The following DPP10 variants were observed in gnomAD, a reference collection of about 807,000 sequenced individuals.
DPP10 encodes the protein dipeptidyl peptidase like 10, also known as inactive dipeptidyl peptidase 10.
DPP10 carries 33 observed loss-of-function variants against 120.9 expected under a neutral mutation model. The ratio of observed to expected loss-of-function variants is 0.27; its 90% confidence interval spans 0.21 to 0.37. The LOEUF (loss-of-function observed/expected upper bound fraction) is 0.37, where lower values mean the gene tolerates loss of function less well. Among genes scored for constraint, DPP10 ranks in the 10% least tolerant of loss-of-function variants. The pLI is 1.00. For missense variants in DPP10, 816 were observed against 942.8 expected, an observed-to-expected ratio of 0.87 and a Z score of 1.76; for synonymous variants, 337 against 326.1, an observed-to-expected ratio of 1.03 and a Z score of -0.36.
At chr2:114,455,365 T>A (rs539498816) in intron 1 of DPP10, among the ~76,000 whole-genome samples, 4 of 152,142 alleles carry the variant, frequency 2.6e-5, no homozygotes, top group African/African-American at 9.6e-5. Context: ...GCCAACATAG[T>A]GAAACCCTGT....
intron 5 of DPP10, among the ~76,000 whole-genome samples, chr2:115,541,712 A>G (rs2079179869): frequency 6.6e-6 from 1 of 151,852 alleles, no homozygotes; most frequent in Non-Finnish European, 1.5e-5. Context: ...TTCATTCAAT[A>G]ACTATCCATG....
chr2:115,114,464 T>C (rs1456897914), intron 1 of DPP10, among the ~76,000 whole-genome samples: 1 of 152,164 alleles, frequency 6.6e-6, no homozygotes, highest in African/African-American at 2.4e-5. Flanking sequence ...AAACAGTAAA[T>C]ATTAATGAAG....
At chr2:115,577,090 GCT>G (rs892486379) in intron 5 of DPP10, among the ~76,000 whole-genome samples, 1 of 151,948 alleles carries the variant, frequency 6.6e-6, no homozygotes, top group African/African-American at 2.4e-5. Context: ...AGCTCCTAAT[GCT>G]CTCTCTCTCT....
At chr2:115,101,389 T>C (rs1164661173) in intron 1 of DPP10, among the ~76,000 whole-genome samples, 2 of 152,154 alleles carry the variant, frequency 1.3e-5, no homozygotes, top group Admixed American at 1.3e-4. Flanking sequence ...AATTCTCCAG[T>C]GAGGTGGCAT....
At chr2:114,485,165 A>G (rs1681394820) in intron 1 of DPP10, among the ~76,000 whole-genome samples, 1 of 152,156 alleles carries the variant, frequency 6.6e-6, no homozygotes, top group African/African-American at 2.4e-5. Flanking sequence ...CTTGAATCCT[A>G]AAGAGCTTGC....
intron 1 of DPP10, among the ~76,000 whole-genome samples, chr2:114,652,050 A>T (rs923619715): frequency 1.3e-5 from 2 of 152,168 alleles, no homozygotes; most frequent in Non-Finnish European, 2.9e-5. Flanking sequence ...CCATGAAGAA[A>T]AAAGGGTCAG....
intron 11 of DPP10, among the ~76,000 whole-genome samples, chr2:115,753,500 G>A (rs1679016909): frequency 6.6e-6 from 1 of 152,128 alleles, no homozygotes; most frequent in African/African-American, 2.4e-5. Flanking sequence ...ATGATAAGCA[G>A]AAGAGAACAA....
intron 1 of DPP10, chr2:115,064,772 G>T (rs114821649): frequency 0.015 from 19,416 of 1,304,150 alleles, 174 homozygotes; most frequent in Non-Finnish European, 0.017. Flanking sequence ...TCATCACAGA[G>T]GTGGCTGAGG....
chr2:115,138,413 T>A (rs1475761911), intron 1 of DPP10, among the ~76,000 whole-genome samples: 1 of 152,216 alleles, frequency 6.6e-6, no homozygotes, highest in Non-Finnish European at 1.5e-5. Context: ...AAGAGTGGCA[T>A]TTTGAAAATA....
chr2:115,588,734 G>A (rs2149162143), intron 5 of DPP10, among the ~76,000 whole-genome samples: 1 of 152,254 alleles, frequency 6.6e-6, no homozygotes, highest in East Asian at 1.9e-4. Flanking sequence ...TGTTTGGGGT[G>A]GGGAATGAAT....
chr2:114,758,021 G>A (rs780750881), intron 1 of DPP10, among the ~76,000 whole-genome samples: 5 of 152,134 alleles, frequency 3.3e-5, no homozygotes, highest in African/African-American at 9.7e-5. Flanking sequence ...CTCCCTCTAT[G>A]TTATACACAG....
At chr2:115,681,740 T>TTC (rs377165091) in intron 5 of DPP10, among the ~76,000 whole-genome samples, 1,652 of 149,132 alleles carry the variant, frequency 0.011, 26 homozygotes, top group African/African-American at 0.037. Context: ...CTTTCTTCCT[T>TTC]TCTCTCTCTC....
intron 1 of DPP10, among the ~76,000 whole-genome samples, chr2:114,950,470 T>A: frequency 1.1e-5 from 1 of 87,690 alleles, no homozygotes; most frequent in East Asian, 3.5e-4. Context: ...AATTTTTTTA[T>A]TTTTTTTTTG....
intron 3 of DPP10, among the ~76,000 whole-genome samples, chr2:115,383,553 G>A (rs1189939408): frequency 6.6e-6 from 1 of 152,096 alleles, no homozygotes; most frequent in Admixed American, 6.6e-5. Context: ...GCATAAATTA[G>A]TTTTATCTGG....
chr2:115,158,546 C>G (rs2052072298), intron 1 of DPP10, among the ~76,000 whole-genome samples: 1 of 152,132 alleles, frequency 6.6e-6, no homozygotes, highest in Non-Finnish European at 1.5e-5. Context: ...AGTTTGAATT[C>G]TAGGAAATCT....
intron 4 of DPP10, among the ~76,000 whole-genome samples, chr2:115,513,276 T>C (rs989807038): frequency 6.6e-6 from 1 of 151,898 alleles, no homozygotes; most frequent in Non-Finnish European, 1.5e-5. Context: ...GTCTTCAATT[T>C]AGAATATATC....
intron 1 of DPP10, among the ~76,000 whole-genome samples, chr2:114,735,048 A>G (rs972003946): frequency 6.6e-6 from 1 of 152,092 alleles, no homozygotes; most frequent in Non-Finnish European, 1.5e-5. Flanking sequence ...GGTACCGATC[A>G]GATTGCATTA....
chr2:115,618,285 T>A (rs2149272194), intron 5 of DPP10, among the ~76,000 whole-genome samples: 1 of 152,294 alleles, frequency 6.6e-6, no homozygotes, highest in South Asian at 2.1e-4. Context: ...TAGCATTTTA[T>A]CTAAAATATA....
chr2:115,478,645 G>A (rs749885328), intron 3 of DPP10, among the ~76,000 whole-genome samples: 12 of 152,246 alleles, frequency 7.9e-5, no homozygotes, highest in African/African-American at 2.9e-4. Context: ...ATATTTGCAA[G>A]TCATATCTAT....
Sources: gnomAD v4.1 joint callset for allele counts (sites outside exome capture counted in the v4.1 genomes callset) on GRCh38, gnomAD v4.1.1 for gene constraint, MANE v1.5 for transcripts, NCBI Gene and HGNC (gene_info 2026-07-23, HGNC 2026-07-21) for gene names.